MPP7: variants seen among roughly 807,000 people sequenced by gnomAD.
MPP7 encodes the protein MAGUK p55 scaffold protein 7.
MPP7 carries 60 observed loss-of-function variants against 76.5 expected under a neutral mutation model. The observed-to-expected ratio is 0.78, with a 90% CI of 0.64 to 0.97. The LOEUF (loss-of-function observed/expected upper bound fraction) is 0.97. Among genes scored for constraint, MPP7 ranks in the 50% least tolerant of loss-of-function variants. The probability of loss-of-function intolerance (pLI) is 0.00; values close to 1 mark genes in which losing one functional copy is unlikely to be tolerated. For synonymous variants in MPP7, 237 were observed against 244.5 expected, an observed-to-expected ratio of 0.97 and a Z score of 0.29; for missense variants, 641 against 694.0, an observed-to-expected ratio of 0.92 and a Z score of 0.86.
chr10:28,330,787 T>C (rs945706207), intron 1 of MPP7, among the ~76,000 whole-genome samples: 1 of 152,152 alleles, frequency 6.6e-6, no homozygotes, highest in Non-Finnish European at 1.5e-5. Flanking sequence ...CCCAAGTAGC[T>C]GGGACTACAA....
At chr10:28,196,081 G>A (rs1837571924) in intron 3 of MPP7, among the ~76,000 whole-genome samples, 1 of 152,100 alleles carries the variant, frequency 6.6e-6, no homozygotes, top group African/African-American at 2.4e-5. Context: ...ACCATTCATT[G>A]CATATCTGAA....
At chr10:28,153,465 T>G (rs1835950435) in intron 3 of MPP7, among the ~76,000 whole-genome samples, 1 of 152,090 alleles carries the variant, frequency 6.6e-6, no homozygotes, top group Admixed American at 6.5e-5. Flanking sequence ...AATGCACTAT[T>G]AAGAAAAAAG....
chr10:28,176,093 C>T (rs1588886295), intron 3 of MPP7, among the ~76,000 whole-genome samples: 1 of 151,978 alleles, frequency 6.6e-6, no homozygotes, highest in Non-Finnish European at 1.5e-5. Context: ...TTGGGAAGAG[C>T]AGGGTAAAGG....
At chr10:28,071,061 C>T (rs777801747) in intron 12 of MPP7, among the ~76,000 whole-genome samples, 5 of 152,228 alleles carry the variant, frequency 3.3e-5, no homozygotes, top group East Asian at 1.9e-4. Context: ...AAGCCAGGGG[C>T]GTAATTAGAT....
intron 1 of MPP7, among the ~76,000 whole-genome samples, chr10:28,262,208 CATATAT>C (rs56940942): frequency 1.8e-4 from 11 of 60,072 alleles, no homozygotes; most frequent in African/African-American, 6.7e-4. Flanking sequence ...TATATATATA[CATATAT>C]ATATATATAT....
chr10:28,121,282 T>TA, intron 8 of MPP7, among the ~76,000 whole-genome samples: 1 of 148,764 alleles, frequency 6.7e-6, no homozygotes, highest in Non-Finnish European at 1.5e-5. Context: ...TTTTTTTTTT[T>TA]AAAGAATAAT....
At chr10:28,088,486 G>A (rs960645216) in intron 12 of MPP7, among the ~76,000 whole-genome samples, 4 of 152,178 alleles carry the variant, frequency 2.6e-5, no homozygotes, top group Admixed American at 2.0e-4. Context: ...TGTGAAGCCC[G>A]CTCCTGTTTC....
intron 11 of MPP7, among the ~76,000 whole-genome samples, chr10:28,095,384 AGCCT>A (rs913620757): frequency 6.6e-6 from 1 of 152,080 alleles, no homozygotes; most frequent in Non-Finnish European, 1.5e-5. Flanking sequence ...ATGATTTTTC[AGCCT>A]GCCCCATACT....
chr10:28,242,571 T>C, intron 1 of MPP7, among the ~76,000 whole-genome samples: 1 of 152,244 alleles, frequency 6.6e-6, no homozygotes. Context: ...TCTCAAAGCA[T>C]GGTCCACAGA....
At chr10:28,138,709 G>T (rs773775289) in intron 5 of MPP7, among the ~76,000 whole-genome samples, 2 of 152,160 alleles carry the variant, frequency 1.3e-5, no homozygotes, top group Non-Finnish European at 2.9e-5. Context: ...AACACAGCAA[G>T]AGATTCCTAA....
intron 11 of MPP7, among the ~76,000 whole-genome samples, chr10:28,108,248 T>C (rs1834383311): frequency 6.6e-6 from 1 of 152,126 alleles, no homozygotes; most frequent in Admixed American, 6.6e-5. Flanking sequence ...TTAGAGAAAA[T>C]ACACAGTAAA....
intron 12 of MPP7, among the ~76,000 whole-genome samples, chr10:28,072,469 C>T (rs994150813): frequency 2.0e-5 from 3 of 152,160 alleles, no homozygotes; most frequent in Non-Finnish European, 4.4e-5. Flanking sequence ...CATCCCTCTA[C>T]CCATCAGCCA....
chr10:28,297,057 G>A (rs1223476547), intron 1 of MPP7, among the ~76,000 whole-genome samples: 3 of 152,154 alleles, frequency 2.0e-5, no homozygotes, highest in Admixed American at 2.0e-4. Flanking sequence ...GGGTTCAATA[G>A]GAGAGGTTAT....
chr10:28,295,010 C>T (rs1841007308), intron 1 of MPP7, among the ~76,000 whole-genome samples: 1 of 152,110 alleles, frequency 6.6e-6, no homozygotes, highest in Non-Finnish European at 1.5e-5. Flanking sequence ...AGCACATGGC[C>T]TTAGAACTTA....
At chr10:28,060,951 C>G (rs941886116) in intron 13 of MPP7, among the ~76,000 whole-genome samples, 9 of 152,174 alleles carry the variant, frequency 5.9e-5, no homozygotes, top group Admixed American at 2.0e-4. Context: ...GAGCTGAGAT[C>G]TGAACCATGC....
At chr10:28,155,001 A>G (rs1323622327) in intron 3 of MPP7, among the ~76,000 whole-genome samples, 1 of 152,188 alleles carries the variant, frequency 6.6e-6, no homozygotes, top group Non-Finnish European at 1.5e-5. Context: ...GACAGGTTTC[A>G]ACATACAAGT....
rs147937433 is a variant in MPP7 at position 28,274,292 on chromosome 10, C to G, written c.-132+28569G>C. The stretch of plus-strand genomic sequence containing the variant: ...TAATTTTTTGTATTTTTAGTAGAGA[C>G]GGGGTTTCACCGGAGCCAGGATGGT... On this transcript the variant is annotated intron_variant, in intron 1 of 16. Transcript: ENST00000683449. Among the ~76,000 whole-genome samples, 13 of 150,326 alleles carry G rather than the reference C, an allele frequency of 8.6e-5. No homozygotes were observed. In the South Asian group the frequency reaches 2.8e-3, roughly 32 times the overall value.
intron 1 of MPP7, among the ~76,000 whole-genome samples, chr10:28,241,775 C>T (rs1450084484): frequency 6.6e-6 from 1 of 152,132 alleles, no homozygotes; most frequent in Admixed American, 6.5e-5. Flanking sequence ...TTACAATACC[C>T]AATAGAACGA....
chr10:28,118,034 T>C, intron 11 of MPP7: 6 of 933,814 alleles, frequency 6.4e-6, no homozygotes, highest in Non-Finnish European at 7.7e-6. Flanking sequence ...ACAAAATTAG[T>C]CAAATGAGGA....
Sources: allele counts gnomAD v4.1 joint callset (sites outside exome capture counted in the v4.1 genomes callset), GRCh38; gene constraint gnomAD v4.1.1; transcripts MANE v1.5; gene names NCBI Gene and HGNC (gene_info 2026-07-23, HGNC 2026-07-21).